GPC5: variants seen among roughly 807,000 people sequenced by gnomAD.
GPC5 encodes glypican-5.
GPC5 carries 47 observed loss-of-function variants against 53.9 expected under a neutral mutation model. The ratio of observed to expected loss-of-function variants is 0.87; its 90% CI spans 0.69 to 1.11. GPC5 has a LOEUF of 1.11. Ranked by LOEUF, GPC5 falls within the 50% of genes most tolerant of loss-of-function variation. GPC5 has a pLI of 0.00. For synonymous variants in GPC5, 286 were observed against 263.3 expected, an observed-to-expected ratio of 1.09 and a Z score of -0.84; for missense variants, 748 against 713.1, an observed-to-expected ratio of 1.05 and a Z score of -0.56.
At chr13:92,248,627 C>A (rs1406992906) in intron 7 of GPC5, among the ~76,000 whole-genome samples, 2 of 152,126 alleles carry the variant, frequency 1.3e-5, no homozygotes, top group Non-Finnish European at 2.9e-5. Flanking sequence ...TTTCTCCATT[C>A]TTCAAACAAT....
chr13:92,363,396 A>AG (rs1387224634), intron 7 of GPC5, among the ~76,000 whole-genome samples: 2 of 151,632 alleles, frequency 1.3e-5, no homozygotes, highest in Non-Finnish European at 2.9e-5. Context: ...CGGAGGGTAG[A>AG]GGGAGGGATG....
At chr13:92,754,485 A>G (rs1362597418) in intron 7 of GPC5, among the ~76,000 whole-genome samples, 1 of 151,900 alleles carries the variant, frequency 6.6e-6, no homozygotes, top group Non-Finnish European at 1.5e-5. Context: ...AACAATATTA[A>G]CTTTAAATGT....
chr13:92,493,044 A>G (rs767421413), intron 7 of GPC5, among the ~76,000 whole-genome samples: 28 of 152,236 alleles, frequency 1.8e-4, no homozygotes, highest in Non-Finnish European at 4.4e-5. Context: ...TCACACTGAT[A>G]GGGCTCCCTT....
chr13:91,530,345 A>G (rs1886287365), intron 2 of GPC5, among the ~76,000 whole-genome samples: 1 of 152,206 alleles, frequency 6.6e-6, no homozygotes, highest in Non-Finnish European at 1.5e-5. Context: ...GTAGGTTGAA[A>G]TGAGCCATAG....
At chr13:92,481,475 C>T (rs575004334) in intron 7 of GPC5, among the ~76,000 whole-genome samples, 5 of 152,076 alleles carry the variant, frequency 3.3e-5, no homozygotes, top group South Asian at 4.2e-4. Flanking sequence ...AACATGTATG[C>T]GCAAAAAGGG....
chr13:92,660,433 A>C lies in GPC5; in HGVS notation c.1562-205849A>C, dbSNP rs60737054. 6.6e-3 allele frequency among the ~76,000 whole-genome samples: 1,009 copies of C among 152,136 alleles called. 12 individuals are homozygous for C. The highest frequency in any genetic ancestry group is 0.023 in the African/African-American group (967 of 41,536). ...GAGGTGTATGTATATATGTGTATAT[A>C]TAAACATATACACACATACATGTAT... On this transcript the variant is annotated intron_variant, in intron 7 of 7. Transcript: ENST00000377067.
intron 2 of GPC5, among the ~76,000 whole-genome samples, chr13:91,484,177 T>C (rs1261465943): frequency 6.6e-6 from 1 of 152,236 alleles, no homozygotes; most frequent in Non-Finnish European, 1.5e-5. Flanking sequence ...TTAATTTTCA[T>C]TGCATTGAAG....
chr13:91,897,312 AG>A, intron 5 of GPC5, among the ~76,000 whole-genome samples: 1 of 151,052 alleles, frequency 6.6e-6, no homozygotes, highest in East Asian at 2.0e-4. Flanking sequence ...TGCTATTCAA[AG>A]TAGAAGTAAA....
chr13:92,642,866 C>G (rs879403954), intron 7 of GPC5, among the ~76,000 whole-genome samples: 1 of 152,148 alleles, frequency 6.6e-6, no homozygotes, highest in Non-Finnish European at 1.5e-5. Context: ...AAGCTAGAAT[C>G]CAGACCAGGC....
intron 7 of GPC5, among the ~76,000 whole-genome samples, chr13:92,359,113 A>G (rs2043545837): frequency 6.6e-6 from 1 of 151,702 alleles, no homozygotes; most frequent in Non-Finnish European, 1.5e-5. Flanking sequence ...ATATAAGAAT[A>G]TTTGCTGTTA....
chr13:92,666,462 GT>G (rs910946174), intron 7 of GPC5, among the ~76,000 whole-genome samples: 20 of 151,934 alleles, frequency 1.3e-4, no homozygotes, highest in African/African-American at 4.6e-4. Context: ...AACAAACCAT[GT>G]TTTTTGTTCT....
intron 6 of GPC5, among the ~76,000 whole-genome samples, chr13:92,004,868 T>C (rs751464561): frequency 1.3e-5 from 2 of 152,136 alleles, no homozygotes; most frequent in Non-Finnish European, 2.9e-5. Flanking sequence ...ACTGCCCTCA[T>C]GATTCAATTA....
intron 7 of GPC5, among the ~76,000 whole-genome samples, chr13:92,694,087 C>T (rs72641051): frequency 0.064 from 9,714 of 152,228 alleles, 441 homozygotes; most frequent in Admixed American, 0.13. Context: ...TGGTGGCTTC[C>T]ATGTGGGGTT....
At chr13:92,757,824 A>C (rs1276675105) in intron 7 of GPC5, among the ~76,000 whole-genome samples, 1 of 152,170 alleles carries the variant, frequency 6.6e-6, no homozygotes, top group Non-Finnish European at 1.5e-5. Flanking sequence ...TTATAAAGTC[A>C]GGAAACAACA....
chr13:92,384,263 A>G (rs2043774009), intron 7 of GPC5, among the ~76,000 whole-genome samples: 1 of 152,122 alleles, frequency 6.6e-6, no homozygotes, highest in South Asian at 2.1e-4. Flanking sequence ...CAAATACAGC[A>G]TTTGTGCCCA....
At chr13:92,792,296 C>CT (rs2138776216) in intron 7 of GPC5, among the ~76,000 whole-genome samples, 1 of 152,198 alleles carries the variant, frequency 6.6e-6, no homozygotes, top group Admixed American at 6.5e-5. Flanking sequence ...ATTTCATATC[C>CT]AGCCAAATCA....
intron 7 of GPC5, among the ~76,000 whole-genome samples, chr13:92,851,631 G>A (rs2892646): frequency 2.0e-5 from 3 of 151,536 alleles, no homozygotes; most frequent in African/African-American, 4.8e-5. Flanking sequence ...CCTGTAATCC[G>A]AGCACTTTGG....
chr13:92,643,134 A>T (rs1885650069), intron 7 of GPC5, among the ~76,000 whole-genome samples: 1 of 152,132 alleles, frequency 6.6e-6, no homozygotes, highest in African/African-American at 2.4e-5. Flanking sequence ...GCCCTTTGTC[A>T]GATGAGGAGG....
At chr13:92,812,346 T>C (rs1877326499) in intron 7 of GPC5, among the ~76,000 whole-genome samples, 1 of 151,974 alleles carries the variant, frequency 6.6e-6, no homozygotes, top group African/African-American at 2.4e-5. Flanking sequence ...ACTATTGTTT[T>C]CTTAATTTTC....
Sources: allele counts gnomAD v4.1 joint callset (sites outside exome capture counted in the v4.1 genomes callset), GRCh38; gene constraint gnomAD v4.1.1; transcripts MANE v1.5; gene names NCBI Gene and HGNC (gene_info 2026-07-23, HGNC 2026-07-21).